Variants in PLXDC2 observed in about 807,000 individuals in gnomAD.
The protein encoded by PLXDC2 is plexin domain-containing protein 2.
PLXDC2 carries 40 observed loss-of-function variants against 68.9 expected under a neutral mutation model. The ratio of observed to expected loss-of-function variants is 0.58; its 90% CI spans 0.45 to 0.76. The LOEUF is 0.76. Ranked by LOEUF, PLXDC2 falls within the 30% of genes least tolerant of loss-of-function variation. The pLI, the probability that PLXDC2 is intolerant of heterozygous loss-of-function variation, is 0.00. For synonymous variants in PLXDC2, 243 were observed against 234.2 expected (o/e 1.04, Z -0.34); for missense variants, 644 against 661.9 (o/e 0.97, Z 0.30).
intron 1 of PLXDC2, among the ~76,000 whole-genome samples, chr10:19,877,605 C>A (rs945507345): frequency 3.3e-5 from 5 of 152,192 alleles, no homozygotes; most frequent in African/African-American, 1.2e-4. Flanking sequence ...CCTGATAACC[C>A]AGCCTCAAGT....
At chr10:20,247,195 C>T (rs568795189) in intron 13 of PLXDC2, among the ~76,000 whole-genome samples, 3 of 150,674 alleles carry the variant, frequency 2.0e-5, no homozygotes, top group South Asian at 4.2e-4. Context: ...TATGGTGACT[C>T]ACATCTGTAA....
chr10:19,895,661 T>A (rs1654785486), intron 1 of PLXDC2, among the ~76,000 whole-genome samples: 1 of 152,148 alleles, frequency 6.6e-6, no homozygotes, highest in African/African-American at 2.4e-5. Flanking sequence ...ACGTGGCTAG[T>A]GGCCACCGCC....
At chr10:19,909,975 A>T (rs1055066457) in intron 1 of PLXDC2, among the ~76,000 whole-genome samples, 2 of 152,116 alleles carry the variant, frequency 1.3e-5, no homozygotes, top group African/African-American at 4.8e-5. Flanking sequence ...GTATTTTGGG[A>T]AATATTTAGT....
intron 4 of PLXDC2, among the ~76,000 whole-genome samples, chr10:20,092,797 G>A (rs1376511842): frequency 1.4e-4 from 22 of 151,930 alleles, no homozygotes; most frequent in Admixed American, 1.4e-3. Context: ...AAGGGAAAGG[G>A]AGATTTTACA....
intron 2 of PLXDC2, among the ~76,000 whole-genome samples, chr10:20,005,222 C>T (rs1835008634): frequency 6.6e-6 from 1 of 152,192 alleles, no homozygotes; most frequent in Non-Finnish European, 1.5e-5. Context: ...TTTTGAACAG[C>T]AGCAGCCCAT....
chr10:19,885,412 A>T (rs918588506), intron 1 of PLXDC2, among the ~76,000 whole-genome samples: 15 of 152,160 alleles, frequency 9.9e-5, no homozygotes, highest in Non-Finnish European at 1.9e-4. Context: ...GGTGTTTTAG[A>T]CATGAAGTCC....
chr10:20,277,852 C>G (rs915530984), intron 13 of PLXDC2, among the ~76,000 whole-genome samples: 1 of 152,172 alleles, frequency 6.6e-6, no homozygotes, highest in Non-Finnish European at 1.5e-5. Flanking sequence ...CACTACCCTT[C>G]CTAGCCTCTG....
At chr10:19,988,381 A>G (rs1431492231) in intron 1 of PLXDC2, among the ~76,000 whole-genome samples, 1 of 152,138 alleles carries the variant, frequency 6.6e-6, no homozygotes, top group Non-Finnish European at 1.5e-5. Flanking sequence ...TGTAGGTTAG[A>G]GAAATTATAT....
chr10:20,222,126 G>T (rs900686604), intron 12 of PLXDC2, among the ~76,000 whole-genome samples: 6 of 151,906 alleles, frequency 3.9e-5, no homozygotes, highest in African/African-American at 7.3e-5. Context: ...TGGAAAAAGG[G>T]TAACATTTTT....
chr10:20,134,613 A>C (rs1389320693), intron 4 of PLXDC2, among the ~76,000 whole-genome samples: 6 of 152,182 alleles, frequency 3.9e-5, no homozygotes, highest in African/African-American at 1.4e-4. Context: ...TGGGTCAATG[A>C]GTTTGGGCCT....
At chr10:20,114,704 T>C (rs1031408428) in intron 4 of PLXDC2, among the ~76,000 whole-genome samples, 1 of 152,136 alleles carries the variant, frequency 6.6e-6, no homozygotes, top group African/African-American at 2.4e-5. Context: ...CAGGAAAGTA[T>C]ATTTCAGGCA....
intron 2 of PLXDC2, among the ~76,000 whole-genome samples, chr10:20,043,939 A>G: frequency 6.6e-6 from 1 of 152,150 alleles, no homozygotes. Context: ...GGTTGCAAGT[A>G]AAAAGACCTG....
chr10:19,998,620 T>G (rs10827923), intron 1 of PLXDC2, among the ~76,000 whole-genome samples: 96,409 of 151,900 alleles, frequency 0.63, 31,038 homozygotes, highest in Non-Finnish European at 0.68. Context: ...AAACACCTCA[T>G]GTTTTTCCTG....
intron 4 of PLXDC2, among the ~76,000 whole-genome samples, chr10:20,098,346 C>CGTGTGTGTGTGT (rs762519549): frequency 0.015 from 1,589 of 103,062 alleles, 25 homozygotes; most frequent in African/African-American, 0.042. Context: ...CATTTTCGTG[C>CGTGTGTGTGTGT]GTGTGTGTGT....
chr10:20,236,746 A>C (rs1031077214), intron 12 of PLXDC2, among the ~76,000 whole-genome samples: 1 of 152,050 alleles, frequency 6.6e-6, no homozygotes, highest in Non-Finnish European at 1.5e-5. Context: ...TCTGTCACCC[A>C]GGCTGGAGTG....
chr10:20,261,157 T>C (rs922566035), intron 13 of PLXDC2, among the ~76,000 whole-genome samples: 8 of 152,218 alleles, frequency 5.3e-5, no homozygotes, highest in Non-Finnish European at 1.0e-4. Flanking sequence ...CCTCTTCATG[T>C]TGTTACTTGT....
intron 7 of PLXDC2, among the ~76,000 whole-genome samples, chr10:20,167,737 A>G (rs762672167): frequency 6.6e-5 from 10 of 152,144 alleles, no homozygotes; most frequent in Non-Finnish European, 1.2e-4. Context: ...CTTTGGCTTC[A>G]TGTAGCCATG....
chr10:20,012,380 C>T (rs1367849837), intron 2 of PLXDC2, among the ~76,000 whole-genome samples: 69 of 125,678 alleles, frequency 5.5e-4, no homozygotes, highest in African/African-American at 1.8e-3. Context: ...TGCAGTGGCG[C>T]GATCTCAGCT....
At chr10:19,845,567 T>C (rs1307096935) in intron 1 of PLXDC2, among the ~76,000 whole-genome samples, 1 of 152,148 alleles carries the variant, frequency 6.6e-6, no homozygotes, top group Non-Finnish European at 1.5e-5. Context: ...TGAGAGTTCT[T>C]AGCTTTCCCC....
Sources: gnomAD v4.1 joint callset for allele counts (sites outside exome capture counted in the v4.1 genomes callset) on GRCh38, gnomAD v4.1.1 for gene constraint, MANE v1.5 for transcripts, NCBI Gene and HGNC (gene_info 2026-07-23, HGNC 2026-07-21) for gene names.